PALM2AKAP2: variants seen among roughly 807,000 people sequenced by gnomAD.
PALM2AKAP2 encodes PALM2 and AKAP2 fusion, also known as PALM2-AKAP2 fusion protein.
A neutral mutation model predicts 71.5 loss-of-function variants in PALM2AKAP2; 37 were observed. That is an observed-to-expected ratio of 0.52 (90% CI 0.40 to 0.68). The LOEUF is 0.68. Ranked by LOEUF, PALM2AKAP2 falls within the 30% of genes least tolerant of loss-of-function variation. PALM2AKAP2 has a pLI of 0.00. For synonymous variants in PALM2AKAP2, 468 were observed against 478.8 expected, an observed-to-expected ratio of 0.98 and a Z score of 0.29; for missense variants, 1,224 against 1,191.8, an observed-to-expected ratio of 1.03 and a Z score of -0.40.
At chr9:110,165,893 C>T (rs780903396) in intron 3 of PALM2AKAP2, among the ~76,000 whole-genome samples, 11 of 152,128 alleles carry the variant, frequency 7.2e-5, no homozygotes, top group Non-Finnish European at 1.3e-4. Flanking sequence ...TCAATTTGCT[C>T]AAGTTGTTTG....
chr9:109,758,410 A>G (rs915477725), intron 1 of PALM2AKAP2, among the ~76,000 whole-genome samples: 9 of 152,076 alleles, frequency 5.9e-5, no homozygotes, highest in African/African-American at 2.2e-4. Context: ...TTTAATAGAC[A>G]TTGCCAAATG....
At chr9:110,163,587 C>T (rs1210013366) in intron 3 of PALM2AKAP2, among the ~76,000 whole-genome samples, 4 of 152,130 alleles carry the variant, frequency 2.6e-5, no homozygotes, top group Non-Finnish European at 4.4e-5. Flanking sequence ...TATACATAAA[C>T]AACACCTTAT....
At chr9:110,106,125 A>T (rs947299422) in intron 1 of PALM2AKAP2, among the ~76,000 whole-genome samples, 2 of 152,230 alleles carry the variant, frequency 1.3e-5, no homozygotes, top group Non-Finnish European at 2.9e-5. Context: ...ATAATTTTGC[A>T]TTGGTAAGAG....
chr9:110,087,453 G>A (rs952578268), intron 1 of PALM2AKAP2, among the ~76,000 whole-genome samples: 1 of 152,110 alleles, frequency 6.6e-6, no homozygotes, highest in Non-Finnish European at 1.5e-5. Context: ...CTCTTCCCCA[G>A]TCTATTACAG....
chr9:110,122,647 A>G (rs1411828257), intron 1 of PALM2AKAP2, among the ~76,000 whole-genome samples: 1 of 152,246 alleles, frequency 6.6e-6, no homozygotes, highest in South Asian at 2.1e-4. Flanking sequence ...CGTGATGATC[A>G]TAATGGTATC....
intron 7 of PALM2AKAP2, among the ~76,000 whole-genome samples, chr9:110,016,321 G>T (rs943731408): frequency 1.3e-5 from 2 of 151,880 alleles, no homozygotes; most frequent in Non-Finnish European, 2.9e-5. Context: ...ATTTCCAATG[G>T]GCCTGTCGTA....
chr9:110,014,821 T>TAC (rs1832950418), intron 6 of PALM2AKAP2, among the ~76,000 whole-genome samples: 6 of 86,802 alleles, frequency 6.9e-5, no homozygotes, highest in African/African-American at 2.4e-4. Flanking sequence ...TATATATATA[T>TAC]ATATATATAT....
At position 110,034,839 on chromosome 9, in the gene PALM2AKAP2, G is replaced by A. The variant is rs537671643; in HGVS notation, c.582+18800G>A. On this transcript the variant is annotated intron_variant, in intron 7 of 9. Transcript: ENST00000302798. The stretch of plus-strand genomic sequence containing the variant: ...AGTCTGGTCTCAAACTCCTGACCTC[G>A]TGAACTGCCCTCCTCCGCCTCCCAA... Among the ~76,000 whole-genome samples the A allele has an allele frequency of 2.7e-4, 41 of 151,548 alleles. No individual in the cohort carries two copies. The South Asian group carries it at 7.7e-3, about 29-fold the overall frequency.
intron 2 of PALM2AKAP2, chr9:110,148,698 C>G (rs1836238207): frequency 6.6e-6 from 1 of 152,180 alleles, no homozygotes; most frequent in African/African-American, 2.4e-5. Context: ...TTAGGCATGT[C>G]CTCTGGTGAG....
At chr9:109,990,775 A>G (rs180951734) in intron 6 of PALM2AKAP2, among the ~76,000 whole-genome samples, 152 of 152,378 alleles carry the variant, frequency 1.0e-3, no homozygotes, top group African/African-American at 3.6e-3. Context: ...AAAATGGCAC[A>G]TTTGCCAGAA....
intron 1 of PALM2AKAP2, among the ~76,000 whole-genome samples, chr9:109,767,613 C>T (rs1230057289): frequency 6.6e-6 from 1 of 152,222 alleles, no homozygotes; most frequent in Non-Finnish European, 1.5e-5. Flanking sequence ...GGGCCACCCT[C>T]TGGCCTCCTC....
At chr9:110,101,439 G>A (rs1178283624) in intron 1 of PALM2AKAP2, among the ~76,000 whole-genome samples, 1 of 151,994 alleles carries the variant, frequency 6.6e-6, no homozygotes, top group Non-Finnish European at 1.5e-5. Context: ...GACAAATAGA[G>A]GTTAGGGAAA....
intron 1 of PALM2AKAP2, among the ~76,000 whole-genome samples, chr9:109,674,927 T>C (rs1486497122): frequency 6.6e-6 from 1 of 152,090 alleles, no homozygotes; most frequent in Admixed American, 6.6e-5. Context: ...TCAGTAGATA[T>C]CATACTACAA....
chr9:109,683,225 A>G (rs1027795287), intron 1 of PALM2AKAP2, among the ~76,000 whole-genome samples: 1 of 152,210 alleles, frequency 6.6e-6, no homozygotes, highest in Non-Finnish European at 1.5e-5. Context: ...TGGTGAGCCA[A>G]TTAAACCTCT....
intron 1 of PALM2AKAP2, among the ~76,000 whole-genome samples, chr9:109,774,804 A>C (rs2118774622): frequency 6.6e-6 from 1 of 152,310 alleles, no homozygotes; most frequent in Admixed American, 6.5e-5. Flanking sequence ...GGCCAATCAC[A>C]AGCCTTTTAC....
chr9:109,713,988 G>A (rs1351532214), intron 1 of PALM2AKAP2, among the ~76,000 whole-genome samples: 1 of 152,082 alleles, frequency 6.6e-6, no homozygotes, highest in Non-Finnish European at 1.5e-5. Flanking sequence ...AGGGTATATG[G>A]ACACTCTTTG....
intron 1 of PALM2AKAP2, among the ~76,000 whole-genome samples, chr9:109,680,789 G>T (rs769135103): frequency 1.3e-5 from 2 of 152,102 alleles, no homozygotes; most frequent in Non-Finnish European, 2.9e-5. Flanking sequence ...TGTGGTTTCC[G>T]TTGGTGACAA....
At chr9:109,903,546 C>A (rs984899916) in intron 3 of PALM2AKAP2, among the ~76,000 whole-genome samples, 1 of 152,154 alleles carries the variant, frequency 6.6e-6, no homozygotes, top group Non-Finnish European at 1.5e-5. Context: ...GCATTAAGGG[C>A]AAGTGCACTG....
chr9:109,858,573 T>G (rs1362542339), intron 1 of PALM2AKAP2, among the ~76,000 whole-genome samples: 1 of 152,142 alleles, frequency 6.6e-6, no homozygotes, highest in Non-Finnish European at 1.5e-5. Flanking sequence ...ATCTCCTGAC[T>G]CTGCTCACGA....
Sources: allele counts gnomAD v4.1 joint callset (sites outside exome capture counted in the v4.1 genomes callset), GRCh38; gene constraint gnomAD v4.1.1; transcripts MANE v1.5; gene names NCBI Gene and HGNC (gene_info 2026-07-23, HGNC 2026-07-21).